Variants in LPIN1 observed in about 807,000 individuals in gnomAD.
LPIN1 encodes the protein lipin 1, also known as phosphatidate phosphatase LPIN1.
In LPIN1, 71 loss-of-function variants were observed where a neutral mutation model predicts 107.5. The ratio of observed to expected loss-of-function variants is 0.66; its 90% CI spans 0.55 to 0.80. LPIN1 has a LOEUF of 0.80. Ranked by LOEUF, LPIN1 falls within the 30% of genes least tolerant of loss-of-function variation. The probability of loss-of-function intolerance (pLI) is 0.00; values close to 1 mark genes in which losing one functional copy is unlikely to be tolerated. For synonymous variants in LPIN1, 445 were observed against 452.6 expected, an observed-to-expected ratio of 0.98 and a Z score of 0.21; for missense variants, 1,043 against 1,160.6, an observed-to-expected ratio of 0.90 and a Z score of 1.47.
intron 1 of LPIN1, among the ~76,000 whole-genome samples, chr2:11,752,494 G>C (rs969343208): frequency 8.4e-5 from 11 of 131,282 alleles, no homozygotes; most frequent in South Asian, 2.3e-4. Flanking sequence ...TGCAGTGGCG[G>C]GATCTCGGCT....
upstream of LPIN1, chr2:11,724,240 C>A: frequency 1.4e-6 from 1 of 691,866 alleles, no homozygotes; most frequent in South Asian, 6.4e-5. Flanking sequence ...TCTTTCTCTC[C>A]TCCTCTGAAC....
intron 7 of LPIN1, among the ~76,000 whole-genome samples, chr2:11,781,149 G>A (rs1388913904): frequency 2.0e-5 from 3 of 152,172 alleles, no homozygotes; most frequent in Middle Eastern, 3.2e-3. Context: ...AATGACTATT[G>A]AAAACATCCC....
chr2:11,775,892 C>G (rs1672589490), intron 5 of LPIN1, among the ~76,000 whole-genome samples, 194 bp from the exon 6 acceptor site: 1 of 146,734 alleles, frequency 6.8e-6, no homozygotes, highest in African/African-American at 2.5e-5. Flanking sequence ...TATATATAAT[C>G]TTTATATAAA....
At position 11,786,923 on chromosome 2, in the gene LPIN1, C is replaced by G; in HGVS notation, c.1550-151C>G. 1.5e-6 allele frequency: 1 copy of G among 686,732 alleles called. No homozygotes were observed. 42.5% of individuals were successfully genotyped at this position (686,732 alleles called of 1,614,324 possible). On this transcript the variant is annotated intron_variant, in intron 10 of 20. Coordinates refer to ENST00000674199, the MANE Select transcript of LPIN1 (RefSeq NM_001349206.2). The surrounding 1 kb of genome is among the most constrained non-coding windows in gnomAD (Gnocchi z 4.1). ...CCGCCTTCCAGGTAAAATGGTGCGG[C>G]CTTTACAAATACATTTTATAGGATT...
Position 11,791,712 on chromosome 2 carries a change from C to G in LPIN1, c.1714-202C>G, listed in dbSNP as rs1177366147. On this transcript the variant is annotated intron_variant, in intron 12 of 20. Transcript: ENST00000674199. Reference sequence around the variant, plus strand: ...TTCCTTTAACATCTTCTTAAGTCTTCATGCTTAAGTTACCTTCATGTAATT... The same window carrying G: ...TTCCTTTAACATCTTCTTAAGTCTTGATGCTTAAGTTACCTTCATGTAATT... The G allele has an allele frequency of 2.8e-6, 4 of 1,424,730 alleles. No homozygotes were observed. In the Admixed American group the frequency reaches 8.7e-5, roughly 31 times the overall value. 88.3% of individuals were successfully genotyped at this position (1,424,730 alleles called of 1,614,324 possible). A position where few individuals can be genotyped will look rare whatever the true frequency, so the allele number is the denominator to read the frequency against.
At chr2:11,799,122 C>T (rs1401057716) in intron 14 of LPIN1, among the ~76,000 whole-genome samples, 1 of 152,210 alleles carries the variant, frequency 6.6e-6, no homozygotes, top group Non-Finnish European at 1.5e-5. Flanking sequence ...GTGGCAGCCG[C>T]AAATGACCGT....
intron 13 of LPIN1, among the ~76,000 whole-genome samples, chr2:11,793,880 G>T (rs530436828): frequency 7.9e-5 from 12 of 152,278 alleles, no homozygotes; most frequent in Middle Eastern, 3.4e-3. Flanking sequence ...TTGCTTTGGT[G>T]TTCTTGGTCT....
At chr2:11,780,894 A>G (rs1200078964) in intron 7 of LPIN1, among the ~76,000 whole-genome samples, 1 of 152,186 alleles carries the variant, frequency 6.6e-6, no homozygotes, top group Non-Finnish European at 1.5e-5. Context: ...CCTATCTTGG[A>G]TATGCAGTGG....
intron 12 of LPIN1, 139 bp downstream of exon 12, chr2:11,788,595 GC>G (rs1675092494): frequency 4.1e-6 from 3 of 731,966 alleles, no homozygotes; most frequent in Non-Finnish European, 7.2e-6. Flanking sequence ...GAGCATACAG[GC>G]CAGGAGTTTC....
At chr2:11,746,256 A>C (rs961265881), upstream of LPIN1, 3 of 152,406 alleles carry the variant, frequency 2.0e-5, no homozygotes, top group African/African-American at 7.2e-5. Context: ...AGCGGGACCC[A>C]TAGGACCGAC....
intron 1 of LPIN1, among the ~76,000 whole-genome samples, chr2:11,729,149 G>T (rs1406645480): frequency 6.6e-6 from 1 of 152,268 alleles, no homozygotes; most frequent in East Asian, 1.9e-4. Flanking sequence ...GGCCTGTCGG[G>T]GAACGGGGGC....
chr2:11,691,000 C>G (rs1662240417), intron 1 of LPIN1, among the ~76,000 whole-genome samples: 1 of 151,568 alleles, frequency 6.6e-6, no homozygotes, highest in Admixed American at 6.6e-5. Flanking sequence ...GTCTATATTC[C>G]AAATATTTAT....
chr2:11,703,492 C>T (rs559223633), intron 1 of LPIN1, among the ~76,000 whole-genome samples: 1 of 152,314 alleles, frequency 6.6e-6, no homozygotes, highest in African/African-American at 2.4e-5. Flanking sequence ...CTGGTCTGCA[C>T]TGGCTCTTTT....
At chr2:11,758,488 A>G (rs1669022555) in intron 1 of LPIN1, among the ~76,000 whole-genome samples, 1 of 151,980 alleles carries the variant, frequency 6.6e-6, no homozygotes, top group African/African-American at 2.4e-5. Context: ...AGGTGGTGGT[A>G]TTCACCCTTT....
chr2:11,798,899 A>G (rs938304176), intron 14 of LPIN1, among the ~76,000 whole-genome samples: 3 of 152,228 alleles, frequency 2.0e-5, no homozygotes, highest in African/African-American at 7.2e-5. Flanking sequence ...ATAGCGTTTG[A>G]AAAACGTACA....
chr2:11,771,226 G>A lies in LPIN1; in HGVS notation c.289-146G>A, dbSNP rs1671786439. 2.7e-6 allele frequency: 2 copies of A among 727,650 alleles called. No individual in the cohort carries two copies. The highest frequency in any genetic ancestry group is 1.6e-5 in the South Asian group (1 of 60,634). 45.1% of individuals were successfully genotyped at this position (727,650 alleles called of 1,614,324 possible). On this transcript the variant is annotated intron_variant, in intron 3 of 20. Coordinates refer to ENST00000674199, the MANE Select transcript of LPIN1 (RefSeq NM_001349206.2). This position sits in a 1 kb window ranked among gnomAD's most constrained non-coding sequence, Gnocchi z 4.8. ...GCAGCCACATCTCCAGGTCACCATG[G>A]CTGTGGCCTCTAGCTGGGCCATCTG... is the stretch of plus-strand genomic sequence containing the variant.
chr2:11,775,574 G>A (rs139629461), intron 5 of LPIN1, among the ~76,000 whole-genome samples: 14 of 152,226 alleles, frequency 9.2e-5, no homozygotes, highest in African/African-American at 3.4e-4. Flanking sequence ...AGAGACAATT[G>A]ACAGCACACA....
At chr2:11,797,074 G>A (rs1043085092) in intron 14 of LPIN1, among the ~76,000 whole-genome samples, 15 of 152,320 alleles carry the variant, frequency 9.8e-5, no homozygotes, top group Middle Eastern at 3.4e-3. Flanking sequence ...GCGAAACTGC[G>A]TGCTCTCAGC....
At chr2:11,705,373 C>A (rs914222388) in intron 1 of LPIN1, among the ~76,000 whole-genome samples, 1 of 152,230 alleles carries the variant, frequency 6.6e-6, no homozygotes, top group African/African-American at 2.4e-5. Flanking sequence ...AATGATGAGA[C>A]CAACAGGCAC....
Sources: allele counts gnomAD v4.1 joint callset (sites outside exome capture counted in the v4.1 genomes callset), GRCh38; gene constraint gnomAD v4.1.1; non-coding constraint Gnocchi (gnomAD v3.1); transcripts MANE v1.5; gene names NCBI Gene and HGNC (gene_info 2026-07-23, HGNC 2026-07-21).